PLXNA2: variants seen among roughly 807,000 people sequenced by gnomAD.
The protein encoded by PLXNA2 is plexin-A2.
A neutral mutation model predicts 193.5 loss-of-function variants in PLXNA2; 91 were observed. The ratio of observed to expected loss-of-function variants is 0.47; its 90% confidence interval spans 0.40 to 0.56. The LOEUF is 0.56. Ranked by LOEUF, PLXNA2 falls within the 20% of genes least tolerant of loss-of-function variation. The probability of loss-of-function intolerance (pLI) is 0.00; values close to 1 mark genes in which losing one functional copy is unlikely to be tolerated. For missense variants in PLXNA2, 1,995 were observed against 2,503.2 expected (o/e 0.80, Z 4.33); for synonymous variants, 997 against 1,027.3 (o/e 0.97, Z 0.56).
Position 208,045,027 on chromosome 1 carries a change from G to A in PLXNA2, c.3639+40C>T, listed in dbSNP as rs58973301. On this transcript the variant is annotated intron_variant, in intron 19 of 31. Transcript: ENST00000367033. ...TTAGGACAGATCACACATGCACCAC[G>A]AGGCGGGAAGGAGGCATTACAGACG... 6.6e-3 allele frequency: 10,694 copies of A among 1,612,528 alleles called. 269 individuals are homozygous for A. Among genetic ancestry groups the A allele is most frequent in the Admixed American group, 0.056 (3,347 of 59,982 alleles).
At chr1:208,037,583 A>G (rs1664712261) in intron 26 of PLXNA2, among the ~76,000 whole-genome samples, 1 of 151,928 alleles carries the variant, frequency 6.6e-6, no homozygotes, top group African/African-American at 2.4e-5. Context: ...TCTTATTTCC[A>G]GTTTCTATTT....
At chr1:208,212,289 G>A (rs922356602) in intron 2 of PLXNA2, among the ~76,000 whole-genome samples, 2 of 152,002 alleles carry the variant, frequency 1.3e-5, no homozygotes, top group South Asian at 2.1e-4. Flanking sequence ...TTTAAACCAG[G>A]GACTTCCGTT....
chr1:208,211,398 G>GA (rs1162022559), intron 2 of PLXNA2, among the ~76,000 whole-genome samples: 7 of 151,146 alleles, frequency 4.6e-5, no homozygotes, highest in South Asian at 4.2e-4. Context: ...TTGAGCAAGT[G>GA]AAAAAAAAAT....
At chr1:208,135,715 C>G (rs1008332937) in intron 4 of PLXNA2, among the ~76,000 whole-genome samples, 1 of 152,140 alleles carries the variant, frequency 6.6e-6, no homozygotes, top group Admixed American at 6.5e-5. Flanking sequence ...CTCTGGGCCT[C>G]GTCTTTCTTA....
intron 3 of PLXNA2, among the ~76,000 whole-genome samples, chr1:208,155,868 G>A (rs2102505781): frequency 6.6e-6 from 1 of 152,296 alleles, no homozygotes; most frequent in East Asian, 1.9e-4. Context: ...TAGCCTGGAG[G>A]CTGCCTGGGT....
At chr1:208,160,117 C>G (rs1300938842) in intron 3 of PLXNA2, among the ~76,000 whole-genome samples, 1 of 152,218 alleles carries the variant, frequency 6.6e-6, no homozygotes, top group Admixed American at 6.5e-5. Flanking sequence ...CAGTGAAACC[C>G]AACCCGTCTC....
chr1:208,078,239 C>T (rs1666223136), intron 12 of PLXNA2, among the ~76,000 whole-genome samples: 1 of 152,148 alleles, frequency 6.6e-6, no homozygotes, highest in East Asian at 1.9e-4. Context: ...TAAATAATTT[C>T]TACCTCTTCA....
At chr1:208,229,899 G>A (rs771369861) in intron 1 of PLXNA2, among the ~76,000 whole-genome samples, 14 of 152,324 alleles carry the variant, frequency 9.2e-5, no homozygotes, top group Admixed American at 2.0e-4. Flanking sequence ...GGTCAAACTC[G>A]CAGCGCTGGA....
At chr1:208,127,956 G>C (rs1156435077) in intron 4 of PLXNA2, among the ~76,000 whole-genome samples, 1 of 152,148 alleles carries the variant, frequency 6.6e-6, no homozygotes, top group Non-Finnish European at 1.5e-5. Context: ...AGACAGGCAG[G>C]CTCCGAGGGC....
chr1:208,185,696 C>CAAAAAAAA (rs56384277), intron 3 of PLXNA2, among the ~76,000 whole-genome samples: 2,677 of 56,592 alleles, frequency 0.047, 26 homozygotes, highest in Middle Eastern at 0.062. Context: ...TCTCTGAAAG[C>CAAAAAAAA]AAAAAAAAAA....
chr1:208,082,264 A>T lies in PLXNA2; in HGVS notation c.2395+148T>A. The T allele has an allele frequency of 1.5e-6, 1 of 666,132 alleles. No homozygotes were observed. The highest frequency in any genetic ancestry group is 2.7e-6 in the Non-Finnish European group (1 of 371,662). The allele number at this position is 666,132 out of a possible 1,614,324, so 41.3% of individuals were successfully genotyped here. A position where few individuals can be genotyped will look rare whatever the true frequency, so the allele number is the denominator to read the frequency against. Reference sequence around the variant, plus strand: ...AACAGGACTCCTTTGATGACTCCAAATGTTGCTTTAGGATCCTCTGAAGAG... The same window carrying T: ...AACAGGACTCCTTTGATGACTCCAATTGTTGCTTTAGGATCCTCTGAAGAG... On this transcript the variant is annotated intron_variant, in intron 11 of 31. Coordinates refer to ENST00000367033, the MANE Select transcript of PLXNA2 (RefSeq NM_025179.4). The surrounding 1 kb of genome is among the most constrained non-coding windows in gnomAD (Gnocchi z 4.2).
rs397695261 is a variant in PLXNA2, at chr1:208,113,546, CT to C, written c.1507-10300del. On this transcript the variant is annotated intron_variant, in intron 4 of 31. Transcript: ENST00000367033. The stretch of plus-strand genomic sequence containing the variant: ...AGTTAATCCCAAATGCTCTCTCTCT[CT>C]TTTTTTTTTTTTTTTTTTTTGAGAT... Among the ~76,000 whole-genome samples the C allele has an allele frequency of 7.8e-4, 82 of 105,692 alleles. 1 individual carries two copies. The highest frequency in any genetic ancestry group is 1.4e-3 in the African/African-American group (37 of 27,400). The allele number at this position is 105,692 out of a possible 152,430, so 69.3% of individuals were successfully genotyped here.
chr1:208,149,230 T>C (rs1668683202), intron 3 of PLXNA2, among the ~76,000 whole-genome samples: 1 of 151,870 alleles, frequency 6.6e-6, no homozygotes, highest in Non-Finnish European at 1.5e-5. Context: ...GTATGATGTG[T>C]ATGTGTTGTG....
intron 1 of PLXNA2, among the ~76,000 whole-genome samples, chr1:208,242,391 G>A (rs1187900731): frequency 3.3e-5 from 5 of 152,182 alleles, no homozygotes; most frequent in Non-Finnish European, 5.9e-5. Flanking sequence ...CACTGTGCGC[G>A]TGAATGGAAG....
chr1:208,042,539 G>A (rs376828399), intron 21 of PLXNA2, among the ~76,000 whole-genome samples, 173 bp from the exon 22 acceptor site: 5 of 152,164 alleles, frequency 3.3e-5, no homozygotes, highest in African/African-American at 9.7e-5. Context: ...GGAACAGCTG[G>A]CTCTAAGGTC....
chr1:208,182,209 C>T (rs931577397), intron 3 of PLXNA2, among the ~76,000 whole-genome samples: 25 of 152,154 alleles, frequency 1.6e-4, no homozygotes, highest in South Asian at 6.2e-4. Context: ...CTGAGGCGGG[C>T]GGATCACAAG....
rs373038058 is a variant in PLXNA2 at position 208,079,334 on chromosome 1, A to G, written c.2512T>C (p.Cys838Arg). ...AGCCAGGGGCTGGAAGGGCTGGTAC[A>G]GTGCTGGTGGAGGGTGCACCTGCGC... Reference protein sequence around the residue: ...GERRCTLHQHCTSPSSPWLDW... With the variant: ...GERRCTLHQHRTSPSSPWLDW... The change falls in exon 12 of 32, where the codon TGT (cysteine) becomes CGT (arginine). Residue 838 changes from cysteine to arginine, a missense_variant. This residue lies in a region of PLXNA2 where 1,291 missense variants were observed against 1,673.6 expected (regional missense o/e 0.77). Coordinates refer to ENST00000367033, the MANE Select transcript of PLXNA2 (RefSeq NM_025179.4). The G allele has an allele frequency of 6.2e-7, 1 of 1,614,058 alleles. No individual in the cohort carries two copies. Among genetic ancestry groups the G allele is most frequent in the Non-Finnish European group, 8.5e-7 (1 of 1,179,930 alleles).
At chr1:208,120,637 C>G (rs1314059515) in intron 4 of PLXNA2, among the ~76,000 whole-genome samples, 1 of 152,208 alleles carries the variant, frequency 6.6e-6, no homozygotes, top group African/African-American at 2.4e-5. Flanking sequence ...CCCCTACTTG[C>G]CCCTCAGCCA....
chr1:208,217,401 G>T lies in PLXNA2; in HGVS notation c.522C>A (p.Arg174=). Reference sequence around the variant, plus strand: ...AGAGCTTGCCATCCTCACCCTCAGAGCGCACAATCACCCCGTACATGGTGC... The same window carrying T: ...AGAGCTTGCCATCCTCACCCTCAGATCGCACAATCACCCCGTACATGGTGC... ...KTGTMYGVIV[R]SEGEDGKLFI... is the part of the protein sequence containing the mutation. Residue 174 remains arginine (R), a synonymous_variant, in exon 2 of 32, where the codon CGC becomes CGA. Transcript: ENST00000367033. The surrounding 1 kb of genome is among the most constrained non-coding windows in gnomAD (Gnocchi z 4.7). 6.2e-7 allele frequency: 1 copy of T among 1,614,184 alleles called. No homozygotes were observed. Among genetic ancestry groups the T allele is most frequent in the Non-Finnish European group, 8.5e-7 (1 of 1,180,034 alleles).
Sources: allele counts gnomAD v4.1 joint callset (sites outside exome capture counted in the v4.1 genomes callset), GRCh38; gene constraint gnomAD v4.1.1; regional missense constraint gnomAD v4.1.1; non-coding constraint Gnocchi (gnomAD v3.1); transcripts MANE v1.5; gene names NCBI Gene and HGNC (gene_info 2026-07-23, HGNC 2026-07-21).